EPM2A: variants seen among roughly 807,000 people sequenced by gnomAD.
The protein encoded by EPM2A is laforin.
In EPM2A, 21 loss-of-function variants were observed where a neutral mutation model predicts 26.5. That is an observed-to-expected ratio of 0.79 (90% CI 0.56 to 1.14). The LOEUF (loss-of-function observed/expected upper bound fraction) is 1.14. Among genes scored for constraint, EPM2A ranks in the 50% most tolerant of loss-of-function variants. The pLI, the probability that EPM2A is intolerant of heterozygous loss-of-function variation, is 0.00. For missense variants in EPM2A, 458 were observed against 440.8 expected (o/e 1.04, Z -0.35); for synonymous variants, 217 against 177.6 (o/e 1.22, Z -1.76).
At chr6:145,568,512 G>A (rs1780914056) in intron 2 of EPM2A, among the ~76,000 whole-genome samples, 2 of 151,956 alleles carry the variant, frequency 1.3e-5, no homozygotes, top group South Asian at 2.1e-4. Flanking sequence ...AAGTAGAAAC[G>A]CGGTTTCTCC....
intron 2 of EPM2A, among the ~76,000 whole-genome samples, chr6:145,516,283 G>A (rs1780126082): frequency 6.6e-6 from 1 of 152,136 alleles, no homozygotes; most frequent in Admixed American, 6.5e-5. Flanking sequence ...CTGTTCTCAA[G>A]GCACAGTCCT....
chr6:145,704,555 C>A (rs1782109093), intron 1 of EPM2A, among the ~76,000 whole-genome samples: 2 of 152,164 alleles, frequency 1.3e-5, no homozygotes, highest in African/African-American at 4.8e-5. Flanking sequence ...TTTCCTGAGT[C>A]TAAATTTCAA....
At chr6:145,571,347 T>C (rs1780953068) in intron 2 of EPM2A, among the ~76,000 whole-genome samples, 1 of 152,214 alleles carries the variant, frequency 6.6e-6, no homozygotes, top group Admixed American at 6.5e-5. Context: ...ATGGGCAACA[T>C]GGTAAGACCA....
intron 2 of EPM2A, chr6:145,636,959 G>T (rs6902273): frequency 2.2e-4 from 33 of 150,572 alleles, no homozygotes; most frequent in Admixed American, 6.0e-4. Context: ...AAAAGATTTC[G>T]TATAACATTT....
chr6:145,500,272 CAG>C (rs369235950), downstream of EPM2A, among the ~76,000 whole-genome samples: 483 of 152,282 alleles, frequency 3.2e-3, 1 homozygote, highest in African/African-American at 0.011. Flanking sequence ...ATAGGAGTGA[CAG>C]AGTCTTGATT....
intron 4 of EPM2A, among the ~76,000 whole-genome samples, chr6:145,385,803 GTC>G (rs1417569177): frequency 1.3e-5 from 2 of 151,846 alleles, no homozygotes; most frequent in African/African-American, 4.8e-5. Flanking sequence ...CTATAAATCT[GTC>G]TCCTTCTTTT....
intron 2 of EPM2A, among the ~76,000 whole-genome samples, chr6:145,644,000 C>A (rs886552758): frequency 6.6e-6 from 1 of 152,116 alleles, no homozygotes; most frequent in Non-Finnish European, 1.5e-5. Context: ...TGCATGTTCA[C>A]GAGCTCCCAT....
chr6:145,477,928 T>C (rs997010625), intron 4 of EPM2A, among the ~76,000 whole-genome samples: 2 of 151,768 alleles, frequency 1.3e-5, no homozygotes, highest in Non-Finnish European at 3.0e-5. Flanking sequence ...AAGTCCTATC[T>C]AGAGCAATCA....
At chr6:145,446,173 C>T (rs895963214) in intron 4 of EPM2A, among the ~76,000 whole-genome samples, 1 of 152,182 alleles carries the variant, frequency 6.6e-6, no homozygotes, top group Non-Finnish European at 1.5e-5. Flanking sequence ...CAACATGTAA[C>T]TGCAACCATA....
At chr6:145,390,586 T>TC (rs1562317066) in intron 4 of EPM2A, among the ~76,000 whole-genome samples, 15 of 152,044 alleles carry the variant, frequency 9.9e-5, no homozygotes, top group East Asian at 7.7e-4. Context: ...TCTCTCTCTC[T>TC]TTCTTTCTCT....
At chr6:145,523,900 C>A (rs1780236144) in intron 2 of EPM2A, among the ~76,000 whole-genome samples, 1 of 150,382 alleles carries the variant, frequency 6.6e-6, no homozygotes, top group Non-Finnish European at 1.5e-5. Context: ...GAGCATAACA[C>A]CCAATAGGTA....
chr6:145,698,642 A>G (rs577979092), intron 1 of EPM2A, among the ~76,000 whole-genome samples: 223 of 152,234 alleles, frequency 1.5e-3, no homozygotes, highest in African/African-American at 4.8e-3. Flanking sequence ...AGCAAAAGTA[A>G]AATTTAATCG....
downstream of EPM2A, among the ~76,000 whole-genome samples, chr6:145,498,352 G>C (rs1048153621): frequency 6.6e-6 from 1 of 152,150 alleles, no homozygotes; most frequent in Non-Finnish European, 1.5e-5. Context: ...CCCCTTCCTA[G>C]GGGTACCTGT....
Position 145,627,478 on chromosome 6 carries a change from G to A in EPM2A, c.934C>T (p.Arg312Trp), listed in dbSNP as rs766334722. ...TTCTGGAAAAAATCTTCTTGTGCCCGGGCCAAGGCCTCTTCGTCAATGTAG... is the reference window on the plus strand; with the variant it reads ...TTCTGGAAAAAATCTTCTTGTGCCCAGGCCAAGGCCTCTTCGTCAATGTAG... ...AVYIDEEALA[R>W]AQEDFFQKFG... is the part of the protein sequence containing the mutation. The change falls in exon 4 of 4, where the codon CGG (arginine) becomes TGG (tryptophan). Residue 312 changes from arginine (R) to tryptophan (W), a missense_variant. Arg to Trp is a moderately radical substitution (Grantham distance 101). Coordinates refer to ENST00000367519, the MANE Select transcript of EPM2A (RefSeq NM_005670.4). 2.6e-5 allele frequency: 42 copies of A among 1,614,094 alleles called. No individual in the cohort carries two copies. The highest frequency in any genetic ancestry group is 6.7e-5 in the African/African-American group (5 of 74,948).
chr6:145,519,254 C>A (rs1156834145), intron 2 of EPM2A, among the ~76,000 whole-genome samples: 1 of 152,046 alleles, frequency 6.6e-6, no homozygotes, highest in African/African-American at 2.4e-5. Flanking sequence ...TAGTGTCTTC[C>A]AGATTTCAGA....
At chr6:145,553,318 G>A (rs1297124696) in intron 2 of EPM2A, among the ~76,000 whole-genome samples, 1 of 152,098 alleles carries the variant, frequency 6.6e-6, no homozygotes, top group African/African-American at 2.4e-5. Context: ...AGCAATGTGA[G>A]AATGGACTAA....
chr6:145,582,715 G>A (rs1362019545), intron 2 of EPM2A, among the ~76,000 whole-genome samples: 1 of 152,158 alleles, frequency 6.6e-6, no homozygotes, highest in African/African-American at 2.4e-5. Context: ...GTGATACTGG[G>A]GAAATTTTGT....
chr6:145,479,040 A>T (rs1490421469), intron 4 of EPM2A, among the ~76,000 whole-genome samples: 1 of 151,178 alleles, frequency 6.6e-6, no homozygotes, highest in African/African-American at 2.4e-5. Context: ...AATATTTTTT[A>T]AAAGCTTGTT....
chr6:145,489,645 C>A, intron 4 of EPM2A: 1 of 1,294,252 alleles, frequency 7.7e-7, no homozygotes, highest in Non-Finnish European at 1.1e-6. Flanking sequence ...CTAAAACCAG[C>A]ATAGCTGTTC....
Sources: allele counts gnomAD v4.1 joint callset (sites outside exome capture counted in the v4.1 genomes callset), GRCh38; gene constraint gnomAD v4.1.1; transcripts MANE v1.5; gene names NCBI Gene and HGNC (gene_info 2026-07-23, HGNC 2026-07-21).